Variants in PDE4D observed in about 807,000 individuals in gnomAD.
The protein encoded by PDE4D is phosphodiesterase 4D.
In PDE4D, 24 loss-of-function variants were observed where a neutral mutation model predicts 87.4. That is an observed-to-expected ratio of 0.27 (90% CI 0.20 to 0.39). The LOEUF (loss-of-function observed/expected upper bound fraction) is 0.39, where lower values mean the gene tolerates loss of function less well. Ranked by LOEUF, PDE4D falls within the 10% of genes least tolerant of loss-of-function variation. PDE4D has a pLI of 1.00. For missense variants in PDE4D, 714 were observed against 1,041.0 expected (o/e 0.69, Z 4.32); for synonymous variants, 384 against 383.2 (o/e 1.00, Z -0.02).
In PDE4D at chr5:59,830,957, T is replaced by G. The variant is rs190696232; in HGVS notation, c.455+62211A>C. Reference sequence around the variant, plus strand: ...TAGCACAATTTAGTTAGGGCACAGATAGCAAGAAGCTGTAAATGTGCTAAA... The same window carrying G: ...TAGCACAATTTAGTTAGGGCACAGAGAGCAAGAAGCTGTAAATGTGCTAAA... On this transcript the variant is annotated intron_variant, in intron 1 of 14. Transcript: ENST00000340635. Among the ~76,000 whole-genome samples, 16 of 152,162 alleles carry G rather than the reference T, an allele frequency of 1.1e-4. No homozygotes were observed. The East Asian group carries it at 3.1e-3, about 29-fold the overall frequency.
At chr5:59,507,523 G>C (rs994837490) in intron 1 of PDE4D, among the ~76,000 whole-genome samples, 4 of 150,950 alleles carry the variant, frequency 2.6e-5, no homozygotes, top group Admixed American at 6.6e-5. Flanking sequence ...AAATTAGCCA[G>C]GTGTGGTGTC....
At chr5:59,463,235 CGTTT>C (rs1158654257) in intron 1 of PDE4D, among the ~76,000 whole-genome samples, 21 of 151,998 alleles carry the variant, frequency 1.4e-4, no homozygotes, top group African/African-American at 5.1e-4. Flanking sequence ...TGAAACATGA[CGTTT>C]GTTTGTGAGG....
intron 1 of PDE4D, among the ~76,000 whole-genome samples, chr5:59,805,757 G>C (rs1767662665): frequency 6.6e-6 from 1 of 152,220 alleles, no homozygotes; most frequent in African/African-American, 2.4e-5. Flanking sequence ...GGAATGAATG[G>C]TCAGTTTCTG....
intron 1 of PDE4D, among the ~76,000 whole-genome samples, chr5:59,785,920 T>G (rs1439365100): frequency 1.1e-4 from 16 of 151,982 alleles, no homozygotes; most frequent in Non-Finnish European, 1.0e-4. Context: ...GTTGGTCAGG[T>G]TATGTCATGA....
intron 2 of PDE4D, among the ~76,000 whole-genome samples, chr5:59,199,963 C>G (rs766149333): frequency 1.3e-5 from 2 of 150,792 alleles, no homozygotes. Context: ...TGTATACATA[C>G]AGGCACATAC....
chr5:59,714,599 A>C (rs1454459615), intron 1 of PDE4D, among the ~76,000 whole-genome samples: 1 of 152,194 alleles, frequency 6.6e-6, no homozygotes, highest in African/African-American at 2.4e-5. Flanking sequence ...CCGCTTGATG[A>C]TGGAATTTGG....
chr5:59,652,331 T>A (rs954509297), intron 1 of PDE4D, among the ~76,000 whole-genome samples: 4 of 152,222 alleles, frequency 2.6e-5, no homozygotes, highest in Non-Finnish European at 4.4e-5. Context: ...ATTAAGCTAC[T>A]GAAAAAATGA....
chr5:60,181,440 T>C (rs1784368691), intron 2 of PDE4D, among the ~76,000 whole-genome samples: 1 of 152,168 alleles, frequency 6.6e-6, no homozygotes, highest in African/African-American at 2.4e-5. Context: ...TATGAAAGAA[T>C]GTGCCAGATA....
At chr5:60,234,253 C>T (rs922227586) in intron 1 of PDE4D, among the ~76,000 whole-genome samples, 1 of 151,750 alleles carries the variant, frequency 6.6e-6, no homozygotes, top group East Asian at 1.9e-4. Flanking sequence ...AAGGTTCATC[C>T]ATGTTGTAGC....
intron 1 of PDE4D, among the ~76,000 whole-genome samples, chr5:60,421,140 C>T (rs576429130): frequency 9.6e-4 from 146 of 152,358 alleles, no homozygotes; most frequent in South Asian, 1.7e-3. Flanking sequence ...GAAGCTTCTG[C>T]AGACTTAAAC....
intron 1 of PDE4D, among the ~76,000 whole-genome samples, chr5:59,332,485 C>G (rs1476280209): frequency 1.3e-5 from 2 of 152,134 alleles, no homozygotes; most frequent in African/African-American, 4.8e-5. Flanking sequence ...CTAATTCACC[C>G]TTTCCAAGAT....
At chr5:59,322,619 A>G (rs1321472018) in intron 1 of PDE4D, among the ~76,000 whole-genome samples, 1 of 152,138 alleles carries the variant, frequency 6.6e-6, no homozygotes, top group Non-Finnish European at 1.5e-5. Flanking sequence ...GCATTGCAGC[A>G]TATATTCACC....
chr5:59,464,636 TC>T (rs1298167903), intron 1 of PDE4D, among the ~76,000 whole-genome samples: 1 of 152,126 alleles, frequency 6.6e-6, no homozygotes, highest in African/African-American at 2.4e-5. Flanking sequence ...GAACGCTGGT[TC>T]CCTGGGTCCC....
chr5:59,275,799 A>G, intron 1 of PDE4D: 1 of 988,802 alleles, frequency 1.0e-6, no homozygotes, highest in Non-Finnish European at 1.2e-6. Flanking sequence ...ACACTCGAAG[A>G]GCGCAGGTAG....
chr5:59,928,757 T>G (rs181823230), intron 3 of PDE4D, among the ~76,000 whole-genome samples: 1,662 of 151,798 alleles, frequency 0.011, 20 homozygotes, highest in Non-Finnish European at 0.015. Context: ...TCTGTATATA[T>G]CTCTCTTTAT....
At position 59,276,217 on chromosome 5, in the gene PDE4D, G is replaced by C. The variant is rs1270766724; in HGVS notation, c.456-60249C>G. 6.2e-6 allele frequency: 5 copies of C among 801,782 alleles called. No individual in the cohort carries two copies. In the African/African-American group the frequency reaches 7.6e-5, roughly 12 times the overall value. The allele number at this position is 801,782 out of a possible 1,614,324, so 49.7% of individuals were successfully genotyped here. On this transcript the variant is annotated intron_variant, in intron 1 of 14. Transcript: ENST00000340635. ...AGCAAAGGGGCGGATCAGCTCCAGA[G>C]ACCAGCACTGTAAACCGGCCAAGCA...
At chr5:59,877,737 T>A (rs1748820088) in intron 1 of PDE4D, among the ~76,000 whole-genome samples, 1 of 151,920 alleles carries the variant, frequency 6.6e-6, no homozygotes, top group Non-Finnish European at 1.5e-5. Context: ...GAGGATCAGC[T>A]AAGCCCGGGA....
chr5:60,118,296 G>GT (rs1463923683), intron 2 of PDE4D, among the ~76,000 whole-genome samples: 1 of 152,140 alleles, frequency 6.6e-6, no homozygotes, highest in Non-Finnish European at 1.5e-5. Context: ...CCTTGAGACT[G>GT]TTTAAGTTGA....
chr5:59,101,044 T>C (rs755426334), intron 5 of PDE4D, among the ~76,000 whole-genome samples: 5 of 152,128 alleles, frequency 3.3e-5, no homozygotes, highest in Non-Finnish European at 7.3e-5. Context: ...CTGGTTTGGG[T>C]CTCCATGCCC....
Sources: allele counts gnomAD v4.1 joint callset (sites outside exome capture counted in the v4.1 genomes callset), GRCh38; gene constraint gnomAD v4.1.1; transcripts MANE v1.5; gene names NCBI Gene and HGNC (gene_info 2026-07-23, HGNC 2026-07-21).